Variants in PCDHGA9 observed in about 807,000 individuals in gnomAD.
PCDHGA9 encodes the protein protocadherin gamma-A9.
Under a neutral mutation model 62.5 loss-of-function variants are expected in PCDHGA9, and 37 were observed. The observed-to-expected ratio is 0.59, with a 90% CI of 0.46 to 0.78. The LOEUF (loss-of-function observed/expected upper bound fraction) is 0.78. Ranked by LOEUF, PCDHGA9 falls within the 30% of genes least tolerant of loss-of-function variation. The pLI, the probability that PCDHGA9 is intolerant of heterozygous loss-of-function variation, is 0.00. For missense variants in PCDHGA9, 1,138 were observed against 1,166.2 expected, an observed-to-expected ratio of 0.98 and a Z score of 0.35; for synonymous variants, 459 against 484.6, an observed-to-expected ratio of 0.95 and a Z score of 0.69.
At chr5:141,470,252 C>T (rs1010559144) in intron 1 of PCDHGA9, among the ~76,000 whole-genome samples, 3 of 152,160 alleles carry the variant, frequency 2.0e-5, no homozygotes, top group Admixed American at 1.3e-4. Context: ...TCCCACCTGT[C>T]TAAATGGAGA....
rs1456176347 is a variant in PCDHGA9 at position 141,510,961 on chromosome 5, A to G, written c.2587A>G (p.Ser863Gly). 2 of 1,613,986 alleles carry G rather than the reference A, an allele frequency of 1.2e-6. No individual in the cohort carries two copies. Among genetic ancestry groups the G allele is most frequent in the Non-Finnish European group, 1.7e-6 (2 of 1,179,962 alleles). ...TGTCTCTGCAGAAGCTGCTGATGGG[A>G]GCTCCACCCTGGGAGGGGGTGCCGG... is the stretch of plus-strand genomic sequence containing the variant. Reference protein sequence around the residue: ...LASASEAADGSSTLGGGAGTM... With the variant: ...LASASEAADGGSTLGGGAGTM... Residue 863 changes from serine (S) to glycine (G), a missense_variant, in exon 4 of 4, where the codon AGC (serine) becomes GGC (glycine). Physicochemically the swap from Ser to Gly is moderately conservative, Grantham distance 56. Coordinates refer to ENST00000573521, the MANE Select transcript of PCDHGA9 (RefSeq NM_018921.3).
chr5:141,418,707 G>T (rs2096282239), intron 1 of PCDHGA9: 1 of 1,614,016 alleles, frequency 6.2e-7, no homozygotes, highest in Non-Finnish European at 8.5e-7. Context: ...TCCTTCTTTG[G>T]TGTGGCTGAC....
chr5:141,450,150 G>T (rs1314865325), intron 1 of PCDHGA9, among the ~76,000 whole-genome samples: 1 of 150,342 alleles, frequency 6.7e-6, no homozygotes, highest in Non-Finnish European at 1.5e-5. Flanking sequence ...GGGACTACAG[G>T]CATGTGCCAC....
chr5:141,475,903 G>C, intron 1 of PCDHGA9: 5 of 576,064 alleles, frequency 8.7e-6, no homozygotes, highest in Non-Finnish European at 1.5e-5. Context: ...TGCCGCTGTC[G>C]GCCAATGAAG....
chr5:141,495,702 T>C (rs1462896403), intron 2 of PCDHGA9, among the ~76,000 whole-genome samples: 3 of 152,212 alleles, frequency 2.0e-5, no homozygotes, highest in Non-Finnish European at 4.4e-5. Context: ...TCAATAAATG[T>C]GGAGTGAGTA....
In PCDHGA9 at chr5:141,413,469, G is replaced by A. The variant is rs766765319; in HGVS notation, c.2424+8093G>A. 5 of 1,614,012 alleles carry A rather than the reference G, an allele frequency of 3.1e-6. No individual in the cohort carries two copies. The African/African-American group carries it at 5.3e-5, about 17-fold the overall frequency. On this transcript the variant is annotated intron_variant, in intron 1 of 3. Transcript: ENST00000573521. ...CCGCGGGCAGGATAGACCGGGAGGA[G>A]CTCTGCGCTCAGAGCGCGCGGTGCG...
intron 1 of PCDHGA9, chr5:141,408,678 A>G (rs758302984): frequency 2.5e-6 from 4 of 1,613,862 alleles, no homozygotes; most frequent in African/African-American, 1.3e-5. Context: ...CCTGCCACGG[A>G]TCCTGATATA....
rs746903142 is a variant in PCDHGA9, at chr5:141,491,667, G to T, written c.2425-3140G>T. ...TGGCGCTGGAGCCTGACGCCATCCG[G>T]TCCCGCTCTAATACGCTGCGGGAGC... On this transcript the variant is annotated intron_variant, in intron 1 of 3. Coordinates refer to ENST00000573521, the MANE Select transcript of PCDHGA9 (RefSeq NM_018921.3). The surrounding 1 kb of genome is among the most constrained non-coding windows in gnomAD (Gnocchi z 6.9). 1.9e-6 allele frequency: 3 copies of T among 1,613,794 alleles called. No individual in the cohort carries two copies. Among genetic ancestry groups the T allele is most frequent in the Admixed American group, 1.7e-5 (1 of 60,032 alleles).
intron 1 of PCDHGA9, chr5:141,415,740 G>GTTTTTTTTTTTTTTTTTTTTTTTTTTTTT (rs57426385): frequency 8.0e-6 from 5 of 625,030 alleles, no homozygotes; most frequent in African/African-American, 2.5e-5. Flanking sequence ...GTTTATTAAG[G>GTTTTTTTTTTTTTTTTTTTTTTTTTTTTT]TTTTTTTTTT....
rs1295654527 is a variant in PCDHGA9, at chr5:141,403,100, A to G, written c.148A>G (p.Lys50Glu). Reference protein sequence around the residue: ...EKGYIVGNISKDLALEPRELA... With the variant: ...EKGYIVGNISEDLALEPRELA... ...GGGCTATATTGTGGGCAACATCTCC[A>G]AGGACCTGGCTCTGGAGCCCCGGGA... is the stretch of plus-strand genomic sequence containing the variant. Residue 50 changes from lysine (K) to glutamate (E), a missense_variant, in exon 1 of 4, where the codon AAG (lysine) becomes GAG (glutamate). Physicochemically the swap from Lys to Glu is moderately conservative, Grantham distance 56. Coordinates refer to ENST00000573521, the MANE Select transcript of PCDHGA9 (RefSeq NM_018921.3). 5 of 1,613,992 alleles carry G rather than the reference A, an allele frequency of 3.1e-6. No homozygotes were observed. Among genetic ancestry groups the G allele is most frequent in the Non-Finnish European group, 4.2e-6 (5 of 1,179,858 alleles).
At position 141,432,880 on chromosome 5, in the gene PCDHGA9, C is replaced by A. The variant is rs865848752; in HGVS notation, c.2424+27504C>A. 3 of 1,614,194 alleles carry A rather than the reference C, an allele frequency of 1.9e-6. No homozygotes were observed. The highest frequency in any genetic ancestry group is 2.5e-6 in the Non-Finnish European group (3 of 1,180,008). ...CGGTCTCCTGCGTCTTCCTGGCCTT[C>A]GTCATCTTGCTGCTGGCGCTCAGGC... On this transcript the variant is annotated intron_variant, in intron 1 of 3. Coordinates refer to ENST00000573521, the MANE Select transcript of PCDHGA9 (RefSeq NM_018921.3). The surrounding 1 kb of genome is among the most constrained non-coding windows in gnomAD (Gnocchi z 6.0).
intron 1 of PCDHGA9, among the ~76,000 whole-genome samples, chr5:141,459,664 T>A (rs766213146): frequency 1.3e-5 from 2 of 152,262 alleles, no homozygotes; most frequent in Non-Finnish European, 2.9e-5. Flanking sequence ...TCACTTTACA[T>A]TTTCATGAGC....
At chr5:141,497,214 G>C (rs929868102) in intron 2 of PCDHGA9, among the ~76,000 whole-genome samples, 2 of 152,138 alleles carry the variant, frequency 1.3e-5, no homozygotes, top group African/African-American at 4.8e-5. Flanking sequence ...TGTAATGGGG[G>C]GGGGAAGATC....
chr5:141,462,818 C>T (rs1280335120), intron 1 of PCDHGA9, among the ~76,000 whole-genome samples: 1 of 152,120 alleles, frequency 6.6e-6, no homozygotes, highest in East Asian at 1.9e-4. Flanking sequence ...TTTTATTGGA[C>T]AGCAGACATT....
chr5:141,416,585 A>T (rs2096043494), intron 1 of PCDHGA9: 2 of 152,244 alleles, frequency 1.3e-5, no homozygotes, highest in Non-Finnish European at 2.9e-5. Context: ...GAGGCAAAAT[A>T]AACTTAGAGT....
In PCDHGA9 at chr5:141,491,129, C is replaced by T; in HGVS notation, c.2425-3678C>T. On this transcript the variant is annotated intron_variant, in intron 1 of 3. Transcript: ENST00000573521. This position sits in a 1 kb window ranked among gnomAD's most constrained non-coding sequence, Gnocchi z 6.9. Reference sequence around the variant, plus strand: ...TCTACACACACTGGTGAGGTGCGCACAGCCCGGGCCTTACTGGAGGATGAC... The same window carrying T: ...TCTACACACACTGGTGAGGTGCGCATAGCCCGGGCCTTACTGGAGGATGAC... 1.2e-6 allele frequency: 2 copies of T among 1,614,172 alleles called. No individual in the cohort carries two copies. The highest frequency in any genetic ancestry group is 1.7e-6 in the Non-Finnish European group (2 of 1,180,012).
At chr5:141,510,754 C>G (rs1407911674) in intron 3 of PCDHGA9, among the ~76,000 whole-genome samples, 193 bp from the exon 4 acceptor site, 3 of 152,168 alleles carry the variant, frequency 2.0e-5, no homozygotes, top group African/African-American at 7.2e-5. Flanking sequence ...GACTTTCTCA[C>G]TCCAGAGCCT....
chr5:141,483,257 T>G, intron 1 of PCDHGA9, among the ~76,000 whole-genome samples: 1 of 137,924 alleles, frequency 7.3e-6, no homozygotes, highest in East Asian at 1.9e-4. Flanking sequence ...ATCATGAGGT[T>G]TTTTTGTTTT....
At chr5:141,407,967 T>C (rs1589649755) in intron 1 of PCDHGA9, 2 of 705,496 alleles carry the variant, frequency 2.8e-6, no homozygotes, top group South Asian at 2.3e-5. Flanking sequence ...GAGCAAGCGC[T>C]GACGCCGGGG....
Sources: gnomAD v4.1 joint callset for allele counts (sites outside exome capture counted in the v4.1 genomes callset) on GRCh38, gnomAD v4.1.1 for gene constraint, Gnocchi (gnomAD v3.1) non-coding constraint, MANE v1.5 for transcripts, NCBI Gene and HGNC (gene_info 2026-07-23, HGNC 2026-07-21) for gene names.